Variants in FAM81B observed in about 807,000 individuals in gnomAD.
The protein encoded by FAM81B is protein FAM81B.
FAM81B carries 60 observed loss-of-function variants against 58.7 expected under a neutral mutation model. That is an observed-to-expected ratio of 1.02 (90% CI 0.83 to 1.27). FAM81B has a LOEUF of 1.27. Among genes scored for constraint, FAM81B ranks in the 50% most tolerant of loss-of-function variants. The probability of loss-of-function intolerance (pLI) is 0.00; values close to 1 mark genes in which losing one functional copy is unlikely to be tolerated. For synonymous variants in FAM81B, 189 were observed against 179.6 expected (o/e 1.05, Z -0.42); for missense variants, 491 against 522.0 (o/e 0.94, Z 0.58).
At chr5:95,439,308 G>C (rs1315505466) in intron 7 of FAM81B, among the ~76,000 whole-genome samples, 2 of 136,906 alleles carry the variant, frequency 1.5e-5, no homozygotes, top group South Asian at 2.4e-4. Flanking sequence ...AATGTTGTAG[G>C]GTTTTACACT....
In FAM81B at chr5:95,450,173, T is replaced by C; in HGVS notation, c.1250T>C (p.Leu417Pro). 1 of 1,612,944 alleles carries C rather than the reference T, an allele frequency of 6.2e-7. No homozygotes were observed. The highest frequency in any genetic ancestry group is 8.5e-7 in the Non-Finnish European group (1 of 1,179,508). ...GGATTTAAATCAATTCATGACTCTC[T>C]CAGCTCCCTCCAACAAATACAGAAA... ...QSGFKSIHDS[L>P]SSLQQIQKTK... is the part of the protein sequence containing the mutation. The change falls in exon 10 of 10, where the codon CTC (leucine) becomes CCC (proline). Residue 417 changes from leucine to proline, a missense_variant. Physicochemically the swap from Leu to Pro is moderately conservative, Grantham distance 98. Coordinates refer to ENST00000283357, the MANE Select transcript of FAM81B (RefSeq NM_152548.3).
rs376716895 is a variant in FAM81B, at chr5:95,436,871, G to T, written c.858G>T (p.Gly286=). The T allele has an allele frequency of 6.2e-7, 1 of 1,613,902 alleles. No homozygotes were observed. The highest frequency in any genetic ancestry group is 2.2e-5 in the East Asian group (1 of 44,864). Residue 286 remains glycine (G), a synonymous_variant, in exon 7 of 10, where the codon GGG becomes GGT. Transcript: ENST00000283357. Reference sequence around the variant, plus strand: ...CCTCGAATTTAAAGATGGTCCAGGGGGATTATCGCCACGAAATGAACCTTT... The same window carrying T: ...CCTCGAATTTAAAGATGGTCCAGGGTGATTATCGCCACGAAATGAACCTTT... ...EQTSNLKMVQ[G]DYRHEMNLLE...
chr5:95,440,087 A>G, intron 7 of FAM81B: 1 of 512,326 alleles, frequency 2.0e-6, no homozygotes, highest in Non-Finnish European at 3.8e-6. Flanking sequence ...ATTAGACACT[A>G]CAAGATTGAA....
rs1305187428 is a variant in FAM81B at position 95,436,588 on chromosome 5, A to G, written c.787-212A>G. ...ACAACAGAATGGAACACTCCCTATT[A>G]TTCTTTCCTTGAAGATAGTGTAACT... On this transcript the variant is annotated intron_variant, in intron 6 of 9. Coordinates refer to ENST00000283357, the MANE Select transcript of FAM81B (RefSeq NM_152548.3). Among the ~76,000 whole-genome samples, 3 of 152,230 alleles carry G rather than the reference A, an allele frequency of 2.0e-5. No homozygotes were observed. The East Asian group carries it at 5.8e-4, about 29-fold the overall frequency.
Position 95,411,616 on chromosome 5 carries a change from T to C in FAM81B, c.294-2331T>C, listed in dbSNP as rs58256232. On this transcript the variant is annotated intron_variant, in intron 3 of 9. Coordinates refer to ENST00000283357, the MANE Select transcript of FAM81B (RefSeq NM_152548.3). Reference sequence around the variant, plus strand: ...GCAACCAGCTTTATAACTGTAGTCATCTGAAACACCATGACGATAACCTAA... The same window carrying C: ...GCAACCAGCTTTATAACTGTAGTCACCTGAAACACCATGACGATAACCTAA... 9.4e-3 allele frequency among the ~76,000 whole-genome samples: 1,424 copies of C among 152,298 alleles called. 23 individuals carry two copies. Among genetic ancestry groups the C allele is most frequent in the African/African-American group, 0.033 (1,362 of 41,570 alleles).
chr5:95,405,329 T>A (rs1762216915), intron 3 of FAM81B, among the ~76,000 whole-genome samples: 1 of 152,226 alleles, frequency 6.6e-6, no homozygotes, highest in South Asian at 2.1e-4. Flanking sequence ...GTGTGACCAT[T>A]CCTTGTTCTG....
chr5:95,428,554 A>G, intron 5 of FAM81B, 49 bp from the exon 6 acceptor site: 5 of 1,606,262 alleles, frequency 3.1e-6, no homozygotes, highest in Non-Finnish European at 4.3e-6. Context: ...TATAGTGTTA[A>G]AAATGTTATA....
Position 95,448,281 on chromosome 5 carries a change from A to T in FAM81B, c.1042A>T (p.Asn348Tyr). 6.2e-7 allele frequency: 1 copy of T among 1,601,658 alleles called. No individual in the cohort carries two copies. Among genetic ancestry groups the T allele is most frequent in the Non-Finnish European group, 8.5e-7 (1 of 1,176,792 alleles). Residue 348 changes from asparagine to tyrosine, a missense_variant, in exon 9 of 10, where the codon AAT (asparagine) becomes TAT (tyrosine). By Grantham distance (143) the Asn-to-Tyr change is moderately radical. Coordinates refer to ENST00000283357, the MANE Select transcript of FAM81B (RefSeq NM_152548.3). ...VLQEKLEKSE[N>Y]KMEEKLLQLS... ...ATCTCTTTTACAGGAAAAGTCTGAA[A>T]ATAAAATGGAAGAAAAACTGCTGCA...
In FAM81B at chr5:95,424,251, A is replaced by G. The variant is rs1378467526; in HGVS notation, c.656+3849A>G. 132 of 1,280,470 alleles carry G rather than the reference A, an allele frequency of 1.0e-4. No homozygotes were observed. In the South Asian group the frequency reaches 1.6e-3, roughly 16 times the overall value. The allele number at this position is 1,280,470 out of a possible 1,614,324, so 79.3% of individuals were successfully genotyped here. On this transcript the variant is annotated intron_variant, in intron 5 of 9. Coordinates refer to ENST00000283357, the MANE Select transcript of FAM81B (RefSeq NM_152548.3). The stretch of plus-strand genomic sequence containing the variant: ...TAGAATGCAGTCATGCATATGAATC[A>G]CTTCCACTATCATCCCCAGATAGAC...
chr5:95,420,007 A>G (rs1412360786), intron 4 of FAM81B, among the ~76,000 whole-genome samples: 1 of 152,200 alleles, frequency 6.6e-6, no homozygotes, highest in Non-Finnish European at 1.5e-5. Flanking sequence ...AATATTGTTA[A>G]TTTGAGCAAT....
chr5:95,400,437 C>CATAT (rs35225220), intron 3 of FAM81B, among the ~76,000 whole-genome samples: 9 of 94,308 alleles, frequency 9.5e-5, no homozygotes, highest in Non-Finnish European at 2.0e-4. Context: ...CATACATACA[C>CATAT]ACACACACAC....
intron 3 of FAM81B, among the ~76,000 whole-genome samples, chr5:95,401,909 G>C (rs1378236109): frequency 1.3e-5 from 2 of 152,162 alleles, no homozygotes; most frequent in African/African-American, 4.8e-5. Context: ...TGGAAAATCT[G>C]TTCAGATTCA....
At chr5:95,410,132 G>C (rs1056299255) in intron 3 of FAM81B, among the ~76,000 whole-genome samples, 1 of 152,138 alleles carries the variant, frequency 6.6e-6, no homozygotes. Context: ...GGACGGGTGG[G>C]GACAAACTCA....
chr5:95,448,842 A>G (rs1436506504), intron 9 of FAM81B: 3 of 412,510 alleles, frequency 7.3e-6, no homozygotes, highest in Non-Finnish European at 1.4e-5. Flanking sequence ...CTTCTCATTG[A>G]ACTACAAGTA....
chr5:95,428,750 G>A lies in FAM81B; in HGVS notation c.786+18G>A. ...ACATGAAGGTAATTGAAAATAGATG[G>A]GACTCATATTACGTGTTACTGCCAG... On this transcript the variant is annotated intron_variant, in intron 6 of 9. Transcript: ENST00000283357. The A allele has an allele frequency of 6.2e-7, 1 of 1,613,330 alleles. No homozygotes were observed. Among genetic ancestry groups the A allele is most frequent in the Non-Finnish European group, 8.5e-7 (1 of 1,179,450 alleles).
At chr5:95,395,652 A>G (rs759919449) in intron 2 of FAM81B, among the ~76,000 whole-genome samples, 3 of 152,164 alleles carry the variant, frequency 2.0e-5, no homozygotes, top group Admixed American at 6.5e-5. Context: ...AATCATGTGT[A>G]TGACTGCTCT....
At chr5:95,442,360 T>C (rs969874006) in intron 7 of FAM81B, among the ~76,000 whole-genome samples, 1 of 152,170 alleles carries the variant, frequency 6.6e-6, no homozygotes, top group Non-Finnish European at 1.5e-5. Context: ...AATCGTCATT[T>C]ATGAATGCTT....
intron 6 of FAM81B, among the ~76,000 whole-genome samples, chr5:95,431,884 A>G (rs1375542393): frequency 6.6e-6 from 1 of 151,992 alleles, no homozygotes; most frequent in Non-Finnish European, 1.5e-5. Flanking sequence ...TGCTCTGTAA[A>G]TGGTAATAAT....
At chr5:95,441,967 G>A (rs558043684) in intron 7 of FAM81B, among the ~76,000 whole-genome samples, 3 of 151,998 alleles carry the variant, frequency 2.0e-5, no homozygotes, top group South Asian at 4.2e-4. Flanking sequence ...TACTGCTGAC[G>A]CTTGTTTAGT....
Sources: allele counts gnomAD v4.1 joint callset (sites outside exome capture counted in the v4.1 genomes callset), GRCh38; gene constraint gnomAD v4.1.1; transcripts MANE v1.5; gene names NCBI Gene and HGNC (gene_info 2026-07-23, HGNC 2026-07-21).